GRID1: variants seen among roughly 807,000 people sequenced by gnomAD.
GRID1 encodes the protein glutamate receptor ionotropic, delta-1.
A neutral mutation model predicts 98.0 loss-of-function variants in GRID1; 28 were observed. The ratio of observed to expected loss-of-function variants is 0.29; its 90% CI spans 0.21 to 0.39. The LOEUF (loss-of-function observed/expected upper bound fraction) is 0.39. Among genes scored for constraint, GRID1 ranks in the 10% least tolerant of loss-of-function variants. GRID1 has a pLI of 1.00. For synonymous variants in GRID1, 553 were observed against 538.5 expected, an observed-to-expected ratio of 1.03 and a Z score of -0.37; for missense variants, 1,111 against 1,340.5, an observed-to-expected ratio of 0.83 and a Z score of 2.67.
chr10:85,987,607 G>T (rs1022736085), intron 4 of GRID1, among the ~76,000 whole-genome samples: 4 of 143,066 alleles, frequency 2.8e-5, no homozygotes, highest in Non-Finnish European at 6.1e-5. Flanking sequence ...TGCCTTACCT[G>T]CTCCTACCCT....
At chr10:86,256,290 A>G (rs1375417931) in intron 2 of GRID1, among the ~76,000 whole-genome samples, 1 of 152,144 alleles carries the variant, frequency 6.6e-6, no homozygotes, top group African/African-American at 2.4e-5. Flanking sequence ...TCCCATGGGC[A>G]CTGAATTTGC....
chr10:85,885,319 C>T (rs553438707), intron 5 of GRID1, among the ~76,000 whole-genome samples: 1 of 152,314 alleles, frequency 6.6e-6, no homozygotes, highest in Non-Finnish European at 1.5e-5. Context: ...GATGTGATTT[C>T]CCCTGTTCAG....
chr10:86,174,179 G>A (rs12358933), intron 3 of GRID1, among the ~76,000 whole-genome samples: 7,147 of 152,158 alleles, frequency 0.047, 177 homozygotes, highest in Non-Finnish European at 0.054. Context: ...AGCCTGCATC[G>A]CCAAGTCAAT....
rs1314145274 is a variant in GRID1 at position 85,774,216 on chromosome 10, C to T, written c.1234-44602G>A. 7.2e-5 allele frequency among the ~76,000 whole-genome samples: 11 copies of T among 152,108 alleles called. No individual in the cohort carries two copies. The South Asian group carries it at 2.1e-3, about 29-fold the overall frequency. On this transcript the variant is annotated intron_variant, in intron 8 of 15. Coordinates refer to ENST00000327946, the MANE Select transcript of GRID1 (RefSeq NM_017551.3). Reference sequence around the variant, plus strand: ...CTTTGACAAACCTGAGAAAAACAAGCAATGGGGAAAGGATTCCCTATTTAA... The same window carrying T: ...CTTTGACAAACCTGAGAAAAACAAGTAATGGGGAAAGGATTCCCTATTTAA...
At chr10:85,710,076 G>T (rs1841565840) in intron 12 of GRID1, among the ~76,000 whole-genome samples, 1 of 152,038 alleles carries the variant, frequency 6.6e-6, no homozygotes, top group African/African-American at 2.4e-5. Flanking sequence ...CTAATTCAAT[G>T]CAATCTCTAA....
chr10:85,913,587 C>A (rs1285348048), intron 5 of GRID1, among the ~76,000 whole-genome samples: 1 of 152,030 alleles, frequency 6.6e-6, no homozygotes, highest in Non-Finnish European at 1.5e-5. Context: ...GTCGGGAGTT[C>A]GAGGCCAGCC....
chr10:85,902,237 A>C (rs371535158), intron 5 of GRID1, among the ~76,000 whole-genome samples: 1 of 152,338 alleles, frequency 6.6e-6, no homozygotes, highest in African/African-American at 2.4e-5. Flanking sequence ...ATAACCTAGT[A>C]GTAGGTGACT....
At chr10:86,073,101 CTTTG>C (rs1843827454) in intron 4 of GRID1, among the ~76,000 whole-genome samples, 3 of 152,166 alleles carry the variant, frequency 2.0e-5, no homozygotes, top group South Asian at 4.1e-4. Flanking sequence ...ATTAAAAAAT[CTTTG>C]TTTGTTGAAG....
At chr10:86,255,896 C>T (rs567045343) in intron 2 of GRID1, among the ~76,000 whole-genome samples, 6 of 152,142 alleles carry the variant, frequency 3.9e-5, no homozygotes, top group Non-Finnish European at 5.9e-5. Context: ...TCTGCCCTGT[C>T]TTCTGAAGCT....
intron 2 of GRID1, among the ~76,000 whole-genome samples, chr10:86,238,196 G>A (rs915530308): frequency 4.6e-5 from 7 of 152,224 alleles, no homozygotes; most frequent in Non-Finnish European, 8.8e-5. Flanking sequence ...AAGATAATGG[G>A]GAAAATGCCT....
intron 14 of GRID1, among the ~76,000 whole-genome samples, chr10:85,617,914 T>C (rs989054418): frequency 6.6e-6 from 1 of 152,112 alleles, no homozygotes; most frequent in Non-Finnish European, 1.5e-5. Flanking sequence ...ACACACCCCA[T>C]GTTGGCCCTG....
intron 3 of GRID1, among the ~76,000 whole-genome samples, chr10:86,153,881 A>C (rs1027494595): frequency 6.8e-6 from 1 of 146,482 alleles, no homozygotes; most frequent in Non-Finnish European, 1.5e-5. Flanking sequence ...AATGGGATGT[A>C]GGGTGGGGGC....
chr10:85,846,156 T>G (rs1423186454), intron 8 of GRID1, among the ~76,000 whole-genome samples: 2 of 152,220 alleles, frequency 1.3e-5, no homozygotes, highest in Non-Finnish European at 2.9e-5. Context: ...CAGTCACAAC[T>G]ATATTCAGAA....
chr10:85,694,573 T>TAGATATAG (rs1841370728), intron 12 of GRID1, among the ~76,000 whole-genome samples: 3 of 79,468 alleles, frequency 3.8e-5, no homozygotes, highest in African/African-American at 2.5e-4. Flanking sequence ...TATATATATA[T>TAGATATAG]ATATATATAT....
At chr10:86,280,051 A>C (rs1048813998) in intron 2 of GRID1, among the ~76,000 whole-genome samples, 1 of 152,156 alleles carries the variant, frequency 6.6e-6, no homozygotes, top group Non-Finnish European at 1.5e-5. Context: ...ACAAATTTAA[A>C]AATTAGCCAG....
At chr10:85,931,897 T>C (rs1589303189) in intron 4 of GRID1, among the ~76,000 whole-genome samples, 1 of 152,130 alleles carries the variant, frequency 6.6e-6, no homozygotes, top group Non-Finnish European at 1.5e-5. Flanking sequence ...CATTTGGAGG[T>C]ATTTTCTCCA....
rs191887805 is a variant in GRID1 at position 86,090,165 on chromosome 10, C to T, written c.726+48654G>A. Among the ~76,000 whole-genome samples the T allele has an allele frequency of 2.8e-3, 421 of 152,032 alleles. 9 individuals carry two copies. The highest frequency in any genetic ancestry group is 3.7e-3 in the Non-Finnish European group (250 of 67,984). On this transcript the variant is annotated intron_variant, in intron 4 of 15. Coordinates refer to ENST00000327946, the MANE Select transcript of GRID1 (RefSeq NM_017551.3). ...CGTGCCTGGTGGTGACGCCTATAAA[C>T]CCAGCACTTTGGGAGGTCGAGGTGG...
intron 8 of GRID1, among the ~76,000 whole-genome samples, chr10:85,784,873 C>CT (rs1017915795): frequency 2.6e-4 from 39 of 152,176 alleles, no homozygotes; most frequent in Admixed American, 2.1e-3. Context: ...ATCAAGATTC[C>CT]TTTTTTTTCT....
At chr10:85,815,802 A>G (rs1216795358) in intron 8 of GRID1, among the ~76,000 whole-genome samples, 2 of 152,050 alleles carry the variant, frequency 1.3e-5, no homozygotes, top group African/African-American at 2.4e-5. Context: ...ATGGGGAAAG[A>G]TATTTTAAAA....
Sources: allele counts gnomAD v4.1 joint callset (sites outside exome capture counted in the v4.1 genomes callset), GRCh38; gene constraint gnomAD v4.1.1; transcripts MANE v1.5; gene names NCBI Gene and HGNC (gene_info 2026-07-23, HGNC 2026-07-21).